TACC3: variants seen among roughly 807,000 people sequenced by gnomAD.
The protein encoded by TACC3 is transforming acidic coiled-coil containing protein 3.
A neutral mutation model predicts 86.0 loss-of-function variants in TACC3; 52 were observed. The observed-to-expected ratio is 0.60, with a 90% CI of 0.48 to 0.76. The LOEUF (loss-of-function observed/expected upper bound fraction) is 0.76, where lower values mean the gene tolerates loss of function less well. Ranked by LOEUF, TACC3 falls within the 30% of genes least tolerant of loss-of-function variation. TACC3 has a pLI of 0.00. For synonymous variants in TACC3, 512 were observed against 430.0 expected, an observed-to-expected ratio of 1.19 and a Z score of -2.36; for missense variants, 1,120 against 1,070.4, an observed-to-expected ratio of 1.05 and a Z score of -0.65.
intron 6 of TACC3, among the ~76,000 whole-genome samples, chr4:1,731,716 A>G (rs575078942): frequency 8.6e-4 from 131 of 152,130 alleles, no homozygotes; most frequent in African/African-American, 3.1e-3. Context: ...GTTCAATGCA[A>G]CCTCCACTTC....
chr4:1,743,771 C>T (rs2108723788), intron 13 of TACC3, among the ~76,000 whole-genome samples: 2 of 152,178 alleles, frequency 1.3e-5, no homozygotes, highest in East Asian at 3.9e-4. Flanking sequence ...ATGCCGCCTC[C>T]CGGACAGACG....
At chr4:1,721,174 C>G (rs1717318640), upstream of TACC3, 1 of 199,848 alleles carries the variant, frequency 5.0e-6, no homozygotes, top group Non-Finnish European at 9.8e-6. Context: ...CTCGGCCGGC[C>G]CTGGAGGCGG....
At chr4:1,724,519 T>C (rs1717591309) in intron 3 of TACC3, among the ~76,000 whole-genome samples, 1 of 148,214 alleles carries the variant, frequency 6.7e-6, no homozygotes, top group African/African-American at 2.5e-5. Context: ...GCCTCCCGAG[T>C]AGCTGGGGCT....
chr4:1,744,735 T>C lies in TACC3; in HGVS notation c.2354T>C (p.Val785Ala), dbSNP rs746662991. The C allele has an allele frequency of 6.2e-7, 1 of 1,612,564 alleles. No individual in the cohort carries two copies. Among genetic ancestry groups the C allele is most frequent in the Non-Finnish European group, 8.5e-7 (1 of 1,179,972 alleles). ...LQLANEEIAQ[V>A]RSKAQAEALA... ...AGGGCAAACGAGGAGATCGCCCAGG[T>C]CCGGAGCAAGGCCCAGGCGGAAGCG... The change falls in exon 15 of 16, where the codon GTC (valine) becomes GCC (alanine). Residue 785 changes from valine (V) to alanine (A), a missense_variant. Coordinates refer to ENST00000313288, the MANE Select transcript of TACC3 (RefSeq NM_006342.3).
chr4:1,742,813 C>CA (rs1407342307), intron 13 of TACC3, among the ~76,000 whole-genome samples: 2 of 94,766 alleles, frequency 2.1e-5, no homozygotes, highest in African/African-American at 6.9e-5. Context: ...AAAAAAAATA[C>CA]AAAAATTAGT....
chr4:1,727,580 G>A (rs566331639), intron 3 of TACC3, 128 bp from the exon 4 acceptor site: 1 of 1,446,622 alleles, frequency 6.9e-7, no homozygotes, highest in African/African-American at 1.4e-5. Context: ...AGAACGGGAA[G>A]CCGTGCCAAG....
chr4:1,731,322 G>A (rs767037223), intron 6 of TACC3, 21 bp downstream of exon 6: 7 of 1,611,570 alleles, frequency 4.3e-6, no homozygotes, highest in African/African-American at 1.3e-5. Context: ...TGGCACAGAC[G>A]TCACACACAG....
In TACC3 at chr4:1,735,970, G is replaced by C; in HGVS notation, c.1748+136G>C. The C allele has an allele frequency of 1.5e-6, 1 of 682,038 alleles. No homozygotes were observed. 42.2% of individuals were successfully genotyped at this position (682,038 alleles called of 1,614,324 possible). A position where few individuals can be genotyped will look rare whatever the true frequency, so the allele number is the denominator to read the frequency against. ...AGAACTGGAAAGGAGCTGTGCTAGG[G>C]GTGGGCTGGGCAGCAAGGCCAGAGC... is the stretch of plus-strand genomic sequence containing the variant. On this transcript the variant is annotated intron_variant, in intron 8 of 15. Transcript: ENST00000313288. The surrounding 1 kb of genome is among the most constrained non-coding windows in gnomAD (Gnocchi z 4.2).
At chr4:1,724,378 AC>A (rs1717581494) in intron 3 of TACC3, among the ~76,000 whole-genome samples, 1 of 109,570 alleles carries the variant, frequency 9.1e-6, no homozygotes, top group South Asian at 2.7e-4. Flanking sequence ...TTCATACTTC[AC>A]TTTTTTTTTT....
At chr4:1,721,124 C>T, upstream of TACC3, 4 of 249,800 alleles carry the variant, frequency 1.6e-5, no homozygotes, top group Non-Finnish European at 3.0e-5. Flanking sequence ...TCGCGGGGCG[C>T]TCTGGGAGAT....
At chr4:1,720,927 GCGGCCGCCGCC>G (rs1477375757), upstream of TACC3, 14 of 1,203,922 alleles carry the variant, frequency 1.2e-5, no homozygotes, top group African/African-American at 1.8e-4. The surrounding 1 kb of genome is among the most constrained non-coding windows in gnomAD (Gnocchi z 4.4). Flanking sequence ...GTCGGTTGCG[GCGGCCGCCGCC>G]CGGCCGCCCG....
intron 13 of TACC3, among the ~76,000 whole-genome samples, chr4:1,743,940 G>T (rs1415053810): frequency 1.3e-5 from 2 of 152,212 alleles, no homozygotes; most frequent in African/African-American, 4.8e-5. Context: ...AGAGGAGTGA[G>T]GATGGCTGGG....
At position 1,735,928 on chromosome 4, in the gene TACC3, A is replaced by G; in HGVS notation, c.1748+94A>G. On this transcript the variant is annotated intron_variant, in intron 8 of 15. Coordinates refer to ENST00000313288, the MANE Select transcript of TACC3 (RefSeq NM_006342.3). This position sits in a 1 kb window ranked among gnomAD's most constrained non-coding sequence, Gnocchi z 4.2. Reference sequence around the variant, plus strand: ...GTGCTGTCTGCACAGAGGCTTCTAGACCGGGGGGAGATGATCAGAACTGGA... The same window carrying G: ...GTGCTGTCTGCACAGAGGCTTCTAGGCCGGGGGGAGATGATCAGAACTGGA... 1.1e-6 allele frequency: 1 copy of G among 897,988 alleles called. No individual in the cohort carries two copies. Among genetic ancestry groups the G allele is most frequent in the East Asian group, 2.5e-5 (1 of 39,296 alleles). 55.6% of individuals were successfully genotyped at this position (897,988 alleles called of 1,614,324 possible).
chr4:1,731,382 A>T, intron 6 of TACC3, 81 bp downstream of exon 6: 1 of 1,510,376 alleles, frequency 6.6e-7, no homozygotes, highest in Non-Finnish European at 9.1e-7. Flanking sequence ...AGACACCTGC[A>T]TCATCGGCAG....
In TACC3 at chr4:1,735,357, C is replaced by T. The variant is rs765284934; in HGVS notation, c.1644+32C>T. 4.3e-6 allele frequency: 7 copies of T among 1,613,520 alleles called. No individual in the cohort carries two copies. Among genetic ancestry groups the T allele is most frequent in the East Asian group, 4.5e-5 (2 of 44,878 alleles). On this transcript the variant is annotated intron_variant, in intron 7 of 15. Transcript: ENST00000313288. The surrounding 1 kb of genome is among the most constrained non-coding windows in gnomAD (Gnocchi z 4.2). ...ACCAGGCAATTCCGCGAAGCCTCAC[C>T]CACAGGGTGTCCGAGAGCAGCCACG...
upstream of TACC3, chr4:1,721,115 C>T (rs1175693978): frequency 7.9e-6 from 2 of 252,296 alleles, no homozygotes; most frequent in African/African-American, 2.3e-5. Context: ...CTCGGCCGCT[C>T]GCGGGGCGCT....
rs187174053 is a variant in TACC3 at position 1,731,475 on chromosome 4, T to G, written c.1591+174T>G. The stretch of plus-strand genomic sequence containing the variant: ...GTGGTTTGTCAAAACTTAGTCAGTG[T>G]TAGGAGAGCAGGGCTCATACCTTTA... On this transcript the variant is annotated intron_variant, in intron 6 of 15. Transcript: ENST00000313288. Among the ~76,000 whole-genome samples, 3 of 152,320 alleles carry G rather than the reference T, an allele frequency of 2.0e-5. No homozygotes were observed. The East Asian group carries it at 5.8e-4, about 29-fold the overall frequency.
At position 1,735,178 on chromosome 4, in the gene TACC3, G is replaced by T; in HGVS notation, c.1592-95G>T. The T allele has an allele frequency of 3.3e-6, 5 of 1,509,068 alleles. No homozygotes were observed. The highest frequency in any genetic ancestry group is 4.6e-6 in the Non-Finnish European group (5 of 1,091,226). The allele number at this position is 1,509,068 out of a possible 1,614,324, so 93.5% of individuals were successfully genotyped here. ...GGGAGGAAATACTGCTGGCTGGAAT[G>T]ATCCTGCCTCACTGAGTGCTGAGGG... On this transcript the variant is annotated intron_variant, in intron 6 of 15. Transcript: ENST00000313288. This position sits in a 1 kb window ranked among gnomAD's most constrained non-coding sequence, Gnocchi z 4.2.
In TACC3 at chr4:1,728,653, G is replaced by T; in HGVS notation, c.1251G>T (p.Pro417=). 1.2e-6 allele frequency: 2 copies of T among 1,613,860 alleles called. No individual in the cohort carries two copies. Among genetic ancestry groups the T allele is most frequent in the Non-Finnish European group, 8.5e-7 (1 of 1,180,006 alleles). ...AAATGGATGACCCAAACTTCATCCCGTTCGGAGGTGACACCAAGTCTGGTT... is the reference window on the plus strand; with the variant it reads ...AAATGGATGACCCAAACTTCATCCCTTTCGGAGGTGACACCAAGTCTGGTT... ...WDKMDDPNFI[P]FGGDTKSGCS... The change falls in exon 4 of 16, where the codon CCG becomes CCT. Residue 417 remains proline (P), a synonymous_variant. Coordinates refer to ENST00000313288, the MANE Select transcript of TACC3 (RefSeq NM_006342.3).
Sources: allele counts gnomAD v4.1 joint callset (sites outside exome capture counted in the v4.1 genomes callset), GRCh38; gene constraint gnomAD v4.1.1; non-coding constraint Gnocchi (gnomAD v3.1); transcripts MANE v1.5; gene names NCBI Gene and HGNC (gene_info 2026-07-23, HGNC 2026-07-21).